LHFPL3: variants seen among roughly 807,000 people sequenced by gnomAD.
LHFPL3 encodes the protein LHFPL tetraspan subfamily member 3 protein.
In LHFPL3, 5 loss-of-function variants were observed where a neutral mutation model predicts 19.3. The observed-to-expected ratio is 0.26, with a 90% CI of 0.14 to 0.54. The LOEUF is 0.54. LHFPL3 is among the 20% of genes least tolerant of loss of function. The probability of loss-of-function intolerance (pLI) is 0.94; values close to 1 mark genes in which losing one functional copy is unlikely to be tolerated. For missense variants in LHFPL3, 249 were observed against 307.4 expected, an observed-to-expected ratio of 0.81 and a Z score of 1.42; for synonymous variants, 133 against 126.2, an observed-to-expected ratio of 1.05 and a Z score of -0.36.
At chr7:104,806,820 G>A (rs992281899) in intron 2 of LHFPL3, among the ~76,000 whole-genome samples, 1 of 152,136 alleles carries the variant, frequency 6.6e-6, no homozygotes, top group African/African-American at 2.4e-5. Context: ...CTGAGATCAG[G>A]CACTTTCCCT....
At chr7:104,654,749 A>G (rs902179508) in intron 1 of LHFPL3, among the ~76,000 whole-genome samples, 3 of 152,180 alleles carry the variant, frequency 2.0e-5, no homozygotes, top group Admixed American at 6.5e-5. Flanking sequence ...CTGAAAATGA[A>G]GAGCTGAGCA....
At chr7:104,352,384 A>C in intron 1 of LHFPL3, among the ~76,000 whole-genome samples, 1 of 152,190 alleles carries the variant, frequency 6.6e-6, no homozygotes, top group East Asian at 1.9e-4. Context: ...AGTATGTAAT[A>C]AGAACTTCAT....
chr7:104,706,527 T>C (rs1243353876), intron 1 of LHFPL3, among the ~76,000 whole-genome samples: 1 of 152,224 alleles, frequency 6.6e-6, no homozygotes, highest in Non-Finnish European at 1.5e-5. Flanking sequence ...TAGATTTTAC[T>C]CTAGGCTGAG....
At chr7:104,675,845 C>A (rs1792579430) in intron 1 of LHFPL3, among the ~76,000 whole-genome samples, 1 of 111,862 alleles carries the variant, frequency 8.9e-6, no homozygotes, top group South Asian at 3.9e-4. Flanking sequence ...AAAATCAGGA[C>A]TTCCCTTTTA....
chr7:104,509,418 C>G (rs1013344837), intron 1 of LHFPL3, among the ~76,000 whole-genome samples: 3 of 152,114 alleles, frequency 2.0e-5, no homozygotes, highest in East Asian at 1.9e-4. Context: ...GGATGCAAAG[C>G]TAGTTTAATA....
intron 1 of LHFPL3, among the ~76,000 whole-genome samples, chr7:104,496,257 A>G (rs1793477719): frequency 6.6e-6 from 1 of 152,090 alleles, no homozygotes; most frequent in Non-Finnish European, 1.5e-5. Context: ...GCTGAGAATG[A>G]TGTTTTCCAG....
chr7:104,672,519 G>A (rs1792505010), intron 1 of LHFPL3, among the ~76,000 whole-genome samples: 1 of 152,206 alleles, frequency 6.6e-6, no homozygotes, highest in Non-Finnish European at 1.5e-5. Context: ...AATAATCTCA[G>A]CGGCTAAAAA....
At chr7:104,591,840 C>G (rs1482354881) in intron 1 of LHFPL3, among the ~76,000 whole-genome samples, 1 of 151,894 alleles carries the variant, frequency 6.6e-6, no homozygotes, top group Non-Finnish European at 1.5e-5. Flanking sequence ...CTCTAAACTT[C>G]TCTTCTCACT....
intron 1 of LHFPL3, among the ~76,000 whole-genome samples, chr7:104,703,498 G>C (rs1793138326): frequency 6.6e-6 from 1 of 152,138 alleles, no homozygotes; most frequent in African/African-American, 2.4e-5. Flanking sequence ...ATCATCTTTT[G>C]TCAGTAGCTA....
intron 1 of LHFPL3, among the ~76,000 whole-genome samples, chr7:104,609,625 T>C (rs1412852082): frequency 6.6e-6 from 1 of 152,224 alleles, no homozygotes; most frequent in Non-Finnish European, 1.5e-5. Flanking sequence ...ATATTGTTAT[T>C]ACACAGTGCC....
chr7:104,552,797 A>C (rs1794687909), intron 1 of LHFPL3, among the ~76,000 whole-genome samples: 1 of 152,202 alleles, frequency 6.6e-6, no homozygotes. Context: ...CAATGAAGAA[A>C]ATTGCTATCT....
At chr7:104,415,309 A>G (rs1430305932) in intron 1 of LHFPL3, among the ~76,000 whole-genome samples, 1 of 152,214 alleles carries the variant, frequency 6.6e-6, no homozygotes, top group Non-Finnish European at 1.5e-5. Context: ...GTCACTCTTA[A>G]TTATACTGTG....
chr7:104,754,200 A>G (rs1219670742), intron 2 of LHFPL3, among the ~76,000 whole-genome samples: 1 of 152,216 alleles, frequency 6.6e-6, no homozygotes, highest in Admixed American at 6.5e-5. Context: ...AGCGAAGTGT[A>G]TGGATCTTAA....
At position 104,462,617 on chromosome 7, in the gene LHFPL3, A is replaced by G. The variant is rs565861872; in HGVS notation, c.445+133393A>G. Among the ~76,000 whole-genome samples, 87 of 152,216 alleles carry G rather than the reference A, an allele frequency of 5.7e-4. 1 individual carries two copies. In the South Asian group the frequency reaches 0.018, roughly 31 times the overall value. ...TTGATCATGGTGGATTAGCTTTTTG[A>G]TGTGCTGCTGGATTCAGTTTGCAAG... On this transcript the variant is annotated intron_variant, in intron 1 of 2. Transcript: ENST00000424859.
chr7:104,573,800 C>T (rs994994416), intron 1 of LHFPL3, among the ~76,000 whole-genome samples: 5 of 152,186 alleles, frequency 3.3e-5, no homozygotes, highest in African/African-American at 7.2e-5. Context: ...TTATTCTGGT[C>T]GCAATGCTTT....
intron 2 of LHFPL3, among the ~76,000 whole-genome samples, chr7:104,855,422 A>T (rs566160222): frequency 6.6e-6 from 1 of 152,284 alleles, no homozygotes; most frequent in East Asian, 1.9e-4. Flanking sequence ...TCACATTCTT[A>T]TGTTTCACAT....
chr7:104,708,908 A>G (rs1401931395), intron 1 of LHFPL3, among the ~76,000 whole-genome samples: 1 of 152,136 alleles, frequency 6.6e-6, no homozygotes, highest in Non-Finnish European at 1.5e-5. Flanking sequence ...ATTTGTCTTC[A>G]TCACCACTAT....
intron 1 of LHFPL3, among the ~76,000 whole-genome samples, chr7:104,436,294 G>A (rs1183485501): frequency 6.6e-6 from 1 of 152,092 alleles, no homozygotes; most frequent in African/African-American, 2.4e-5. Context: ...TAGGCATTTT[G>A]CATGCACTAT....
At chr7:104,707,188 A>G (rs1793206681) in intron 1 of LHFPL3, among the ~76,000 whole-genome samples, 1 of 152,212 alleles carries the variant, frequency 6.6e-6, no homozygotes, top group South Asian at 2.1e-4. Context: ...ATGCTCCATT[A>G]GGCTTAATTC....
Sources: allele counts gnomAD v4.1 joint callset (sites outside exome capture counted in the v4.1 genomes callset), GRCh38; gene constraint gnomAD v4.1.1; transcripts MANE v1.5; gene names NCBI Gene and HGNC (gene_info 2026-07-23, HGNC 2026-07-21).